MEGF6: variants seen among roughly 807,000 people sequenced by gnomAD.
The protein encoded by MEGF6 is multiple EGF like domains 6.
In MEGF6, 184 loss-of-function variants were observed where a neutral mutation model predicts 207.1. The observed-to-expected ratio is 0.89, with a 90% CI of 0.79 to 1.00. The LOEUF is 1.00. Among genes scored for constraint, MEGF6 ranks in the 50% least tolerant of loss-of-function variants. MEGF6 has a pLI of 0.00. For missense variants in MEGF6, 2,282 were observed against 2,202.9 expected, an observed-to-expected ratio of 1.04 and a Z score of -0.72; for synonymous variants, 1,038 against 910.0, an observed-to-expected ratio of 1.14 and a Z score of -2.53.
chr1:3,544,908 C>G (rs562145897), intron 4 of MEGF6, among the ~76,000 whole-genome samples: 1 of 152,280 alleles, frequency 6.6e-6, no homozygotes, highest in Admixed American at 6.5e-5. Context: ...AGGGCTGGGT[C>G]CAGGCTGACC....
chr1:3,533,320 G>A (rs1180922352), intron 4 of MEGF6, among the ~76,000 whole-genome samples: 5 of 152,228 alleles, frequency 3.3e-5, no homozygotes, highest in Admixed American at 6.5e-5. Flanking sequence ...GCCTGTCTGC[G>A]GGGCCTCCTG....
rs772925813 is a variant in MEGF6 at position 3,510,807 on chromosome 1, T to G, written c.1210A>C (p.Ser404Arg). The change falls in exon 10 of 37, where the codon AGT (serine) becomes CGT (arginine). Residue 404 changes from serine to arginine, a missense_variant. By Grantham distance (110) the Ser-to-Arg change is moderately radical (BLOSUM62 -1). Coordinates refer to ENST00000356575, the MANE Select transcript of MEGF6 (RefSeq NM_001409.4). ...CCCTCACAGCCGCAGCCATCGGCAC[T>G]GAGCCGGTAGCCGGCGTAGCAGCCG... ...ECGCYAGYRL[S>R]ADGCGCEDVD... 1.2e-6 allele frequency: 2 copies of G among 1,608,328 alleles called. No individual in the cohort carries two copies. The highest frequency in any genetic ancestry group is 1.3e-5 in the African/African-American group (1 of 74,886).
chr1:3,606,884 G>T (rs552134583), intron 1 of MEGF6, among the ~76,000 whole-genome samples: 1 of 152,286 alleles, frequency 6.6e-6, no homozygotes, highest in East Asian at 1.9e-4. Context: ...CCACTGTGAA[G>T]GGACTCTGTC....
Position 3,607,625 on chromosome 1 carries a change from T to A in MEGF6, c.131+3513A>T, listed in dbSNP as rs1187926349. Among the ~76,000 whole-genome samples, 4 of 152,042 alleles carry A rather than the reference T, an allele frequency of 2.6e-5. No individual in the cohort carries two copies. The East Asian group carries it at 7.7e-4, about 29-fold the overall frequency. ...GCAGAAGAATGGACAAAAAGAAACC[T>A]CCCACTGCTGCACATGGGTCTGAGG... On this transcript the variant is annotated intron_variant, in intron 1 of 36. Transcript: ENST00000356575.
In MEGF6 at chr1:3,552,259, G is replaced by C. The variant is rs895096474; in HGVS notation, c.481+27566C>G. On this transcript the variant is annotated intron_variant, in intron 4 of 36. Coordinates refer to ENST00000356575, the MANE Select transcript of MEGF6 (RefSeq NM_001409.4). ...CCCACCAGGGCCAGCCTCCCAGGCA[G>C]GGCCTTCTCCCTGCTCCAGGCTGTG... Among the ~76,000 whole-genome samples, 5 of 152,364 alleles carry C rather than the reference G, an allele frequency of 3.3e-5. No individual in the cohort carries two copies. The East Asian group carries it at 7.7e-4, about 24-fold the overall frequency.
In MEGF6 at chr1:3,602,344, G is replaced by A. The variant is rs996688619; in HGVS notation, c.266+122C>T. On this transcript the variant is annotated intron_variant, in intron 2 of 36. Transcript: ENST00000356575. Reference sequence around the variant, plus strand: ...CATGCTCAGATGAGGGCTTCAGGCAGGGGTTGCGTGTGGCCCTGAGACCAG... The same window carrying A: ...CATGCTCAGATGAGGGCTTCAGGCAAGGGTTGCGTGTGGCCCTGAGACCAG... The A allele has an allele frequency of 3.5e-6, 5 of 1,412,054 alleles. No individual in the cohort carries two copies. The African/African-American group carries it at 4.3e-5, about 12-fold the overall frequency. 87.5% of individuals were successfully genotyped at this position (1,412,054 alleles called of 1,614,324 possible). A position where few individuals can be genotyped will look rare whatever the true frequency, so the allele number is the denominator to read the frequency against.
chr1:3,577,708 T>C (rs1643680107), intron 4 of MEGF6, among the ~76,000 whole-genome samples: 1 of 152,182 alleles, frequency 6.6e-6, no homozygotes, highest in Non-Finnish European at 1.5e-5. Flanking sequence ...GCCAAGAGGC[T>C]GGTGGGGCGC....
At chr1:3,537,831 C>T (rs1642381257) in intron 4 of MEGF6, among the ~76,000 whole-genome samples, 1 of 152,192 alleles carries the variant, frequency 6.6e-6, no homozygotes, top group Non-Finnish European at 1.5e-5. Flanking sequence ...CGCAAAAGTG[C>T]TGGTCCATGC....
intron 4 of MEGF6, among the ~76,000 whole-genome samples, chr1:3,571,920 AGGGTGTACTGGGTCCTCCTG>A (rs1643509604): frequency 1.7e-5 from 1 of 58,356 alleles, no homozygotes; most frequent in Non-Finnish European, 3.4e-5. Context: ...TGGGTCCTTC[AGGGTGTACTGGGTCCTCCTG>A]GGTGTGCTGG....
At chr1:3,585,337 G>C (rs1439934755) in intron 3 of MEGF6, among the ~76,000 whole-genome samples, 1 of 147,204 alleles carries the variant, frequency 6.8e-6, no homozygotes. Flanking sequence ...AGTGACACAT[G>C]TCCTATGTGT....
the MEGF6 span, among the ~76,000 whole-genome samples, chr1:3,618,866 A>C: frequency 2.1e-3 from 319 of 152,288 alleles, no homozygotes; most frequent in African/African-American, 5.5e-3. This position sits in a 1 kb window ranked among gnomAD's most constrained non-coding sequence, Gnocchi z 4.7. Context: ...ACCCTGCCTG[A>C]GGGAAGAGCC....
chr1:3,585,941 G>C (rs1359674896), intron 3 of MEGF6, among the ~76,000 whole-genome samples: 1 of 144,086 alleles, frequency 6.9e-6, no homozygotes, highest in Non-Finnish European at 1.5e-5. Context: ...TCCTGTGTGT[G>C]GGTGTGAGGA....
chr1:3,575,984 C>T (rs1197304890), intron 4 of MEGF6, among the ~76,000 whole-genome samples: 1 of 126,030 alleles, frequency 7.9e-6, no homozygotes, highest in East Asian at 3.0e-4. Context: ...CAAAACATCG[C>T]CAAATCTCCT....
At chr1:3,538,755 C>T (rs939016734) in intron 4 of MEGF6, among the ~76,000 whole-genome samples, 1 of 139,666 alleles carries the variant, frequency 7.2e-6, no homozygotes, top group African/African-American at 2.8e-5. Flanking sequence ...TCCGCGCTGT[C>T]TGTGGGTTCT....
intron 4 of MEGF6, among the ~76,000 whole-genome samples, chr1:3,542,984 G>A (rs1266811589): frequency 6.6e-6 from 1 of 152,208 alleles, no homozygotes; most frequent in African/African-American, 2.4e-5. Context: ...AGGGGCCTGG[G>A]AGGAGGGTGG....
At chr1:3,533,179 G>GCC (rs2101417823) in intron 4 of MEGF6, among the ~76,000 whole-genome samples, 1 of 152,284 alleles carries the variant, frequency 6.6e-6, no homozygotes, top group Admixed American at 6.5e-5. Flanking sequence ...GGCCATCCTT[G>GCC]AGCGCGTGGG....
chr1:3,554,388 G>A (rs994899006), intron 4 of MEGF6, among the ~76,000 whole-genome samples: 1 of 152,144 alleles, frequency 6.6e-6, no homozygotes, highest in Admixed American at 6.5e-5. Context: ...GGCGGGAGGG[G>A]GACGGCACTC....
chr1:3,600,675 G>A (rs1644142558), intron 2 of MEGF6, among the ~76,000 whole-genome samples: 1 of 152,148 alleles, frequency 6.6e-6, no homozygotes, highest in Non-Finnish European at 1.5e-5. Context: ...GCTTGGGAGG[G>A]GACACAAATT....
intron 4 of MEGF6, chr1:3,531,227 G>C: frequency 6.8e-7 from 1 of 1,478,078 alleles, no homozygotes; most frequent in Admixed American, 2.5e-5. Flanking sequence ...GCCAGCCCGC[G>C]GTCCCGGGAC....
Sources: gnomAD v4.1 joint callset for allele counts (sites outside exome capture counted in the v4.1 genomes callset) on GRCh38, gnomAD v4.1.1 for gene constraint, Gnocchi (gnomAD v3.1) non-coding constraint, MANE v1.5 for transcripts, NCBI Gene and HGNC (gene_info 2026-07-23, HGNC 2026-07-21) for gene names.